Variants in TRPV5 observed in about 807,000 individuals in gnomAD.
TRPV5 encodes transient receptor potential cation channel subfamily V member 5.
In TRPV5, 66 loss-of-function variants were observed where a neutral mutation model predicts 74.1. The ratio of observed to expected loss-of-function variants is 0.89; its 90% CI spans 0.73 to 1.09. TRPV5 has a LOEUF of 1.09. Ranked by LOEUF, TRPV5 falls within the 50% of genes least tolerant of loss-of-function variation. The pLI is 0.00. For missense variants in TRPV5, 936 were observed against 930.4 expected (o/e 1.01, Z -0.08); for synonymous variants, 399 against 360.7 (o/e 1.11, Z -1.20).
chr7:142,932,608 T>C (rs970083910), intron 1 of TRPV5, among the ~76,000 whole-genome samples: 1 of 152,048 alleles, frequency 6.6e-6, no homozygotes, highest in Non-Finnish European at 1.5e-5. Flanking sequence ...CCCAAAACAC[T>C]TGGAGGAAGA....
At chr7:142,929,639 T>C in intron 3 of TRPV5, 74 bp from the exon 4 acceptor site, 1 of 1,578,772 alleles carries the variant, frequency 6.3e-7, no homozygotes. Context: ...TCCCCCACCA[T>C]CCCTCTCAGG....
intron 8 of TRPV5, among the ~76,000 whole-genome samples, chr7:142,921,202 A>G (rs1795881114): frequency 6.6e-6 from 1 of 152,176 alleles, no homozygotes. Context: ...AGTAGGGATG[A>G]TTTTGCCTTC....
rs1038669843 is a variant in TRPV5, at chr7:142,908,331, C to T, written c.*183G>A. On this transcript the variant is annotated 3_prime_UTR_variant, in exon 15 of 15. Transcript: ENST00000265310. Reference sequence around the variant, plus strand: ...AGAAAATACGTGAGACAATCGATGACCATTGCCCATTGCCAGAAATTCTGA... The same window carrying T: ...AGAAAATACGTGAGACAATCGATGATCATTGCCCATTGCCAGAAATTCTGA... 4.5e-6 allele frequency: 3 copies of T among 667,698 alleles called. No homozygotes were observed. The highest frequency in any genetic ancestry group is 5.9e-5 in the Admixed American group (2 of 33,906). The allele number at this position is 667,698 out of a possible 1,614,324, so 41.4% of individuals were successfully genotyped here.
rs1436348248 is a variant in TRPV5 at position 142,930,305 on chromosome 7, G to A, written c.226+44C>T. The A allele has an allele frequency of 3.7e-6, 6 of 1,609,268 alleles. No individual in the cohort carries two copies. In the Admixed American group the frequency reaches 8.3e-5, roughly 22 times the overall value. On this transcript the variant is annotated intron_variant, in intron 2 of 14. Transcript: ENST00000265310. Reference sequence around the variant, plus strand: ...CTCGAAGTCTTGGGGAGGAGGAGTAGGTTCTTCTGCCCCCACCTCCATCCC... The same window carrying A: ...CTCGAAGTCTTGGGGAGGAGGAGTAAGTTCTTCTGCCCCCACCTCCATCCC...
intron 8 of TRPV5, among the ~76,000 whole-genome samples, chr7:142,924,404 A>G (rs1302716534): frequency 1.4e-5 from 2 of 142,868 alleles, no homozygotes; most frequent in East Asian, 2.0e-4. Context: ...ATATACATGT[A>G]TATATATAAA....
chr7:142,924,259 TATATACATATATATATATATAC>T (rs1795933638), intron 8 of TRPV5, among the ~76,000 whole-genome samples: 2 of 121,690 alleles, frequency 1.6e-5, no homozygotes, highest in African/African-American at 7.8e-5. Flanking sequence ...TACATGTATA[TATATACATATATATATATATAC>T]ATATACATGT....
At position 142,925,721 on chromosome 7, in the gene TRPV5, C is replaced by T; in HGVS notation, c.930G>A (p.Gln310=). 2.5e-6 allele frequency: 4 copies of T among 1,614,080 alleles called. No individual in the cohort carries two copies. The highest frequency in any genetic ancestry group is 2.5e-6 in the Non-Finnish European group (3 of 1,179,984). The change falls in exon 8 of 15, where the codon CAG becomes CAA. Residue 310 remains glutamine (Q), a synonymous_variant. Coordinates refer to ENST00000265310, the MANE Select transcript of TRPV5 (RefSeq NM_019841.7). ...DKREARQILE[Q]TPVKELVSFK... is the part of the protein sequence containing the mutation. ...AGCTCACCAGCTCCTTCACTGGGGTCTGTTCCAGAATTTGGCGAGCCTGGC... is the reference window on the plus strand; with the variant it reads ...AGCTCACCAGCTCCTTCACTGGGGTTTGTTCCAGAATTTGGCGAGCCTGGC...
intron 13 of TRPV5, among the ~76,000 whole-genome samples, chr7:142,911,240 T>C (rs1275617411): frequency 6.6e-6 from 1 of 152,150 alleles, no homozygotes; most frequent in African/African-American, 2.4e-5. Context: ...AACAGAGGAA[T>C]GGATGTAATG....
At chr7:142,913,649 A>T (rs1795744896) in intron 12 of TRPV5, among the ~76,000 whole-genome samples, 1 of 152,142 alleles carries the variant, frequency 6.6e-6, no homozygotes, top group Non-Finnish European at 1.5e-5. Flanking sequence ...TTCACATTTC[A>T]GATTTTGGTG....
chr7:142,913,183 G>C (rs188790129), intron 12 of TRPV5, among the ~76,000 whole-genome samples: 1 of 152,320 alleles, frequency 6.6e-6, no homozygotes, highest in Admixed American at 6.5e-5. Context: ...CAGGCTAAAA[G>C]AAGAGCCCCT....
rs770727261 is a variant in TRPV5 at position 142,909,640 on chromosome 7, T to A, written c.1789-44A>T. On this transcript the variant is annotated intron_variant, in intron 13 of 14. Coordinates refer to ENST00000265310, the MANE Select transcript of TRPV5 (RefSeq NM_019841.7). ...TACAGGAAGAACTCTGAAAGAGCCA[T>A]GAGGTTCAAAGAGGCACTGAGGCCA... is the stretch of plus-strand genomic sequence containing the variant. 9.4e-6 allele frequency: 15 copies of A among 1,598,982 alleles called. No homozygotes were observed. The Admixed American group carries it at 2.0e-4, about 22-fold the overall frequency.
intron 4 of TRPV5, 148 bp downstream of exon 4, chr7:142,929,280 G>A: frequency 1.4e-6 from 2 of 1,469,186 alleles, no homozygotes; most frequent in Non-Finnish European, 1.8e-6. Flanking sequence ...TCAGGGGAAT[G>A]GGCCTCTGGC....
Position 142,908,715 on chromosome 7 carries a change from T to C in TRPV5, c.1989A>G (p.Pro663=). The change falls in exon 15 of 15, where the codon CCA becomes CCG. Residue 663 remains proline, a synonymous_variant. Transcript: ENST00000265310. ...CAGCCCCAGAGGGCTGTTTCTCAGA[T>C]GGATGCTCCTGGTCATCCTCCTTGT... ...NSDKEDDQEH[P]SEKQPSGAES... is the part of the protein sequence containing the mutation. The C allele has an allele frequency of 1.2e-6, 2 of 1,614,194 alleles. No homozygotes were observed. Among genetic ancestry groups the C allele is most frequent in the South Asian group, 2.2e-5 (2 of 91,088 alleles).
chr7:142,933,211 G>T, intron 1 of TRPV5, 121 bp downstream of exon 1: 2 of 1,331,082 alleles, frequency 1.5e-6, no homozygotes, highest in Non-Finnish European at 1.0e-6. Flanking sequence ...GAAAGGGTAT[G>T]TCTGAGTGAC....
At position 142,915,366 on chromosome 7, in the gene TRPV5, C is replaced by A. The variant is rs375589754; in HGVS notation, c.1227G>T (p.Arg409Ser). The A allele has an allele frequency of 6.2e-6, 10 of 1,608,010 alleles. No homozygotes were observed. Among genetic ancestry groups the A allele is most frequent in the Middle Eastern group, 3.3e-4 (2 of 6,030 alleles). ...ILLLEIPDIF[R>S]VGASRYFGKT... ...TTCCAAAATAGCGAGAGGCACCAACCCTGAAGATGTCTGGAATCTGGGGAG... is the reference window on the plus strand; with the variant it reads ...TTCCAAAATAGCGAGAGGCACCAACACTGAAGATGTCTGGAATCTGGGGAG... The change falls in exon 10 of 15, where the codon AGG (arginine) becomes AGT (serine). Residue 409 changes from arginine (R) to serine (S), a missense_variant. Arg to Ser is a moderately radical substitution (Grantham distance 110, BLOSUM62 -1). Coordinates refer to ENST00000265310, the MANE Select transcript of TRPV5 (RefSeq NM_019841.7).
rs776609766 is a variant in TRPV5, at chr7:142,914,990, T to C, written c.1343A>G (p.Asn448Ser). The C allele has an allele frequency of 3.0e-5, 48 of 1,613,940 alleles. No homozygotes were observed. The South Asian group carries it at 3.2e-4, about 11-fold the overall frequency. The change falls in exon 11 of 15, where the codon AAT becomes AGT. Residue 448 changes from asparagine (N) to serine (S), a missense_variant. Transcript: ENST00000265310. The part of the protein sequence containing the change: ...VTMVMRLTNT[N>S]GEVVPMSFAL... ...AAAGGACATGGGCACCACCTCCCCA[T>C]TGGTGTTGGTGAGCCGCATCACCAT...
Position 142,912,658 on chromosome 7 carries a change from G to C in TRPV5, c.1612C>G (p.Leu538Val). Residue 538 changes from leucine to valine, a missense_variant, in exon 13 of 15, where the codon CTC becomes GTC. Transcript: ENST00000265310. ...MALFTTFELF[L>V]TVIDAPANYD... ...TTGGCAGGTGCATCAATAACAGTGA[G>C]AAAAAGCTCAAAGGTGGTGAACAGT... 1 of 1,614,254 alleles carries C rather than the reference G, an allele frequency of 6.2e-7. No homozygotes were observed. The highest frequency in any genetic ancestry group is 1.1e-5 in the South Asian group (1 of 91,086).
chr7:142,919,862 A>T lies in TRPV5; in HGVS notation c.1123-4294T>A, dbSNP rs1795856231. Among the ~76,000 whole-genome samples, 3 of 152,180 alleles carry T rather than the reference A, an allele frequency of 2.0e-5. 1 individual carries two copies. The South Asian group carries it at 6.2e-4, about 31-fold the overall frequency. ...GGGGAACATAGGCCACCACAGTGGG[A>T]AGTGGGTAGGCCCCAGAACCAGTTG... On this transcript the variant is annotated intron_variant, in intron 8 of 14. Transcript: ENST00000265310.
At chr7:142,924,571 C>G (rs6966572) in intron 8 of TRPV5, among the ~76,000 whole-genome samples, 114,435 of 151,294 alleles carry the variant, frequency 0.76, 47,670 homozygotes, top group East Asian at 0.96. Flanking sequence ...ATTCTCTTTC[C>G]GACTGAAACT....
Sources: gnomAD v4.1 joint callset for allele counts (sites outside exome capture counted in the v4.1 genomes callset) on GRCh38, gnomAD v4.1.1 for gene constraint, MANE v1.5 for transcripts, NCBI Gene and HGNC (gene_info 2026-07-23, HGNC 2026-07-21) for gene names.